Variants in NREP observed in about 807,000 individuals in gnomAD.
NREP encodes the protein neuronal regeneration related protein.
In NREP, 5 loss-of-function variants were observed where a neutral mutation model predicts 8.6. That is an observed-to-expected ratio of 0.58 (90% CI 0.30 to 1.22). The LOEUF (loss-of-function observed/expected upper bound fraction) is 1.22. Ranked by LOEUF, NREP falls within the 50% of genes most tolerant of loss-of-function variation. The pLI, the probability that NREP is intolerant of heterozygous loss-of-function variation, is 0.07. For synonymous variants in NREP, 27 were observed against 28.0 expected (o/e 0.96, Z 0.11); for missense variants, 86 against 82.5 (o/e 1.04, Z -0.17).
chr5:111,747,992 C>T (rs1013219663), intron 2 of NREP, among the ~76,000 whole-genome samples: 3 of 152,158 alleles, frequency 2.0e-5, no homozygotes, highest in Non-Finnish European at 2.9e-5. Context: ...CTGCCTCAGT[C>T]AGACTATTGA....
rs114934983 is a variant in NREP at position 111,811,070 on chromosome 5, G to A, written c.136-75563C>T. ...TACTGTTGAGAAAAACAGTACAATA[G>A]TGTGGAATAAACACTTAGCTTGTGC... On this transcript the variant is annotated intron_variant, in intron 2 of 3. Transcript: ENST00000395634. Among the ~76,000 whole-genome samples, 1,055 of 152,268 alleles carry A rather than the reference G, an allele frequency of 6.9e-3. 22 individuals carry two copies. The highest frequency in any genetic ancestry group is 0.025 in the African/African-American group (1,022 of 41,558).
chr5:111,975,328 T>A (rs1400117540), exon 2 of NREP: 2 of 1,551,672 alleles, frequency 1.3e-6, no homozygotes, highest in Non-Finnish European at 8.7e-7. Context: ...AACAAGGGAC[T>A]CTGTCTGTCA....
chr5:111,791,103 T>C (rs1751736106), intron 2 of NREP, among the ~76,000 whole-genome samples: 1 of 152,324 alleles, frequency 6.6e-6, no homozygotes, highest in Middle Eastern at 3.4e-3. Context: ...AATTGACAAA[T>C]GAACATTATA....
intron 2 of NREP, among the ~76,000 whole-genome samples, chr5:111,737,871 C>G (rs1426841578): frequency 2.0e-5 from 3 of 151,476 alleles, no homozygotes; most frequent in Non-Finnish European, 4.4e-5. Context: ...TTTTTTTTCA[C>G]TATTAGGCAT....
intron 3 of NREP, 196 bp downstream of exon 3, chr5:111,735,234 G>A: frequency 2.3e-6 from 1 of 441,852 alleles, no homozygotes; most frequent in Non-Finnish European, 4.1e-6. Flanking sequence ...TATGAAGGAA[G>A]ATAATGTGAA....
chr5:111,963,454 C>T (rs1054021982), intron 2 of NREP, among the ~76,000 whole-genome samples: 3 of 152,024 alleles, frequency 2.0e-5, no homozygotes, highest in Non-Finnish European at 4.4e-5. Flanking sequence ...TTTAACTGGC[C>T]ATTTAAACCA....
chr5:111,927,845 C>T (rs1755431960), intron 2 of NREP, among the ~76,000 whole-genome samples: 1 of 152,138 alleles, frequency 6.6e-6, no homozygotes, highest in African/African-American at 2.4e-5. Flanking sequence ...CCTACTGTAA[C>T]TTGTGTTTCT....
chr5:111,880,021 G>C (rs1383639000), intron 2 of NREP, among the ~76,000 whole-genome samples: 2 of 152,162 alleles, frequency 1.3e-5, no homozygotes, highest in Non-Finnish European at 2.9e-5. Context: ...GTTTATAACA[G>C]TGCTTGAAAT....
At chr5:111,731,175 T>A in intron 3 of NREP, 129 bp from the exon 4 acceptor site, 2 of 930,664 alleles carry the variant, frequency 2.1e-6, no homozygotes, top group Non-Finnish European at 3.2e-6. Flanking sequence ...ACTCTTGCTG[T>A]TTTGCAAAAC....
intron 2 of NREP, among the ~76,000 whole-genome samples, chr5:111,950,484 T>C (rs1338679526): frequency 6.6e-6 from 1 of 152,118 alleles, no homozygotes; most frequent in Non-Finnish European, 1.5e-5. Flanking sequence ...GACATATGCA[T>C]GGGCGAAGCC....
At chr5:111,840,109 G>A (rs564948145) in intron 2 of NREP, among the ~76,000 whole-genome samples, 10 of 151,948 alleles carry the variant, frequency 6.6e-5, no homozygotes, top group East Asian at 3.9e-4. Context: ...GTATAATGAC[G>A]TAAGTATAAA....
intron 2 of NREP, among the ~76,000 whole-genome samples, chr5:111,951,719 T>C (rs1266781510): frequency 6.6e-6 from 1 of 152,076 alleles, no homozygotes; most frequent in Non-Finnish European, 1.5e-5. Context: ...TATAAAAATA[T>C]ATTCATTCTC....
At chr5:111,871,433 C>T (rs979437857) in intron 2 of NREP, among the ~76,000 whole-genome samples, 2 of 151,946 alleles carry the variant, frequency 1.3e-5, no homozygotes, top group African/African-American at 2.4e-5. Context: ...GAGTGAGTGG[C>T]GAGTGAATGT....
intron 2 of NREP, among the ~76,000 whole-genome samples, chr5:111,855,246 G>A (rs1016278664): frequency 2.6e-5 from 4 of 152,234 alleles, no homozygotes; most frequent in South Asian, 2.1e-4. Context: ...GCCTACCAAC[G>A]CTTATTGGTT....
At chr5:111,908,545 C>T (rs11949783) in intron 2 of NREP, among the ~76,000 whole-genome samples, 1 of 151,956 alleles carries the variant, frequency 6.6e-6, no homozygotes, top group Admixed American at 6.6e-5. Context: ...GTTTTCTGTT[C>T]CTGCATTAAT....
chr5:111,850,513 C>T (rs1753282420), intron 2 of NREP, among the ~76,000 whole-genome samples: 1 of 152,102 alleles, frequency 6.6e-6, no homozygotes, highest in South Asian at 2.1e-4. Flanking sequence ...CCTGTCTTTT[C>T]TTTCCAAGGC....
intron 2 of NREP, among the ~76,000 whole-genome samples, chr5:111,802,247 T>C (rs4957621): frequency 0.5 from 75,793 of 151,850 alleles, 20,278 homozygotes; most frequent in African/African-American, 0.68. Flanking sequence ...AGTGTGATGG[T>C]ATTAAGGCTA....
At chr5:111,796,952 A>G (rs1297779306) in intron 2 of NREP, among the ~76,000 whole-genome samples, 1 of 152,132 alleles carries the variant, frequency 6.6e-6, no homozygotes, top group Non-Finnish European at 1.5e-5. Flanking sequence ...TTGATAATAA[A>G]AGGAAAATCT....
chr5:111,896,724 G>A (rs1171781623), intron 2 of NREP, among the ~76,000 whole-genome samples: 4 of 152,056 alleles, frequency 2.6e-5, no homozygotes, highest in Non-Finnish European at 4.4e-5. Context: ...ATTAGACCTC[G>A]CTGCTTAATA....
Sources: allele counts gnomAD v4.1 joint callset (sites outside exome capture counted in the v4.1 genomes callset), GRCh38; gene constraint gnomAD v4.1.1; transcripts MANE v1.5; gene names NCBI Gene and HGNC (gene_info 2026-07-23, HGNC 2026-07-21).